Variants in EXOC4 observed in about 807,000 individuals in gnomAD.
EXOC4 encodes the protein exocyst complex component 4.
A neutral mutation model predicts 107.2 loss-of-function variants in EXOC4; 71 were observed. The ratio of observed to expected loss-of-function variants is 0.66; its 90% CI spans 0.55 to 0.81. The LOEUF is 0.81. EXOC4 is among the 30% of genes least tolerant of loss of function. The pLI, the probability that EXOC4 is intolerant of heterozygous loss-of-function variation, is 0.00. For missense variants in EXOC4, 1,108 were observed against 1,189.6 expected, an observed-to-expected ratio of 0.93 and a Z score of 1.01; for synonymous variants, 456 against 441.2, an observed-to-expected ratio of 1.03 and a Z score of -0.42.
intron 9 of EXOC4, among the ~76,000 whole-genome samples, chr7:133,484,870 A>C (rs1432644345): frequency 6.6e-6 from 1 of 151,966 alleles, no homozygotes; most frequent in Non-Finnish European, 1.5e-5. Flanking sequence ...ACTTGAGGTC[A>C]GGAGTTTGAG....
At chr7:133,836,119 G>A (rs1299315377) in intron 11 of EXOC4, among the ~76,000 whole-genome samples, 1 of 152,112 alleles carries the variant, frequency 6.6e-6, no homozygotes, top group Non-Finnish European at 1.5e-5. Flanking sequence ...TAGCAGACAG[G>A]CAATGTTTTA....
chr7:133,329,687 T>C (rs867925074), intron 5 of EXOC4, among the ~76,000 whole-genome samples: 3 of 152,226 alleles, frequency 2.0e-5, no homozygotes, highest in Admixed American at 6.5e-5. Flanking sequence ...GACCCTCTGC[T>C]GTAGGTCTGC....
chr7:133,661,234 G>A (rs1366043155), intron 10 of EXOC4, among the ~76,000 whole-genome samples: 2 of 152,098 alleles, frequency 1.3e-5, no homozygotes, highest in Non-Finnish European at 2.9e-5. Context: ...CACTGTATAT[G>A]TGCCGAGGCT....
At chr7:133,766,903 T>C (rs748876301) in intron 10 of EXOC4, among the ~76,000 whole-genome samples, 1 of 151,906 alleles carries the variant, frequency 6.6e-6, no homozygotes, top group Non-Finnish European at 1.5e-5. Context: ...AGTTGAGTCT[T>C]TCCCATTTCA....
chr7:133,534,296 A>T (rs1200243337), intron 9 of EXOC4, among the ~76,000 whole-genome samples: 1 of 152,120 alleles, frequency 6.6e-6, no homozygotes, highest in Non-Finnish European at 1.5e-5. Flanking sequence ...CAGTAAACAT[A>T]TGTTTTTGTT....
At chr7:133,289,256 G>T (rs1229641526) in intron 3 of EXOC4, 140 bp downstream of exon 3, 2 of 651,798 alleles carry the variant, frequency 3.1e-6, no homozygotes, top group Non-Finnish European at 5.1e-6. Context: ...GGTGAAGCCT[G>T]GGTATTTCTC....
chr7:134,097,148 G>C, the EXOC4 span, among the ~76,000 whole-genome samples: 1 of 152,098 alleles, frequency 6.6e-6, no homozygotes, highest in Non-Finnish European at 1.5e-5. Context: ...GCTCATGGAA[G>C]TTCAAAGAAG....
intron 5 of EXOC4, among the ~76,000 whole-genome samples, chr7:133,331,674 C>G (rs928895288): frequency 1.3e-4 from 20 of 151,918 alleles, no homozygotes; most frequent in Non-Finnish European, 2.2e-4. Flanking sequence ...ACCGTGTTAG[C>G]CAGGATGGTC....
chr7:133,507,420 G>C (rs189354234), intron 9 of EXOC4, among the ~76,000 whole-genome samples: 1 of 152,158 alleles, frequency 6.6e-6, no homozygotes, highest in Non-Finnish European at 1.5e-5. Context: ...TGGATAATTT[G>C]TGAGTGGGCA....
chr7:133,531,742 A>C (rs1308210846), intron 9 of EXOC4, among the ~76,000 whole-genome samples: 1 of 152,112 alleles, frequency 6.6e-6, no homozygotes, highest in Non-Finnish European at 1.5e-5. Context: ...TTTGCAGTAA[A>C]CCTTACTTTT....
chr7:134,006,343 T>G (rs1794642043), intron 16 of EXOC4, among the ~76,000 whole-genome samples: 1 of 147,374 alleles, frequency 6.8e-6, no homozygotes, highest in Non-Finnish European at 1.5e-5. Flanking sequence ...GTTACAGACT[T>G]GAGAGAATGA....
At chr7:133,619,250 C>T (rs1188034435) in intron 9 of EXOC4, among the ~76,000 whole-genome samples, 1 of 152,138 alleles carries the variant, frequency 6.6e-6, no homozygotes, top group Non-Finnish European at 1.5e-5. Flanking sequence ...ACAGAGCACT[C>T]GATCTCTCCG....
At chr7:133,476,892 A>G (rs1191768578) in intron 8 of EXOC4, among the ~76,000 whole-genome samples, 1 of 152,178 alleles carries the variant, frequency 6.6e-6, no homozygotes, top group Non-Finnish European at 1.5e-5. Context: ...ACACATTAGT[A>G]ATGTTTTCTA....
At chr7:133,532,420 AG>A (rs1563099029) in intron 9 of EXOC4, among the ~76,000 whole-genome samples, 1 of 152,164 alleles carries the variant, frequency 6.6e-6, no homozygotes, top group East Asian at 1.9e-4. Flanking sequence ...CACTGTAAAC[AG>A]GAGCAGAGTA....
chr7:134,047,359 G>C (rs1390520890), intron 17 of EXOC4, among the ~76,000 whole-genome samples: 1 of 151,942 alleles, frequency 6.6e-6, no homozygotes, highest in East Asian at 1.9e-4. Context: ...GAGCCACATT[G>C]TGGAGCAGCC....
chr7:133,296,120 G>A (rs1432641267), intron 3 of EXOC4, among the ~76,000 whole-genome samples: 1 of 152,156 alleles, frequency 6.6e-6, no homozygotes, highest in African/African-American at 2.4e-5. Flanking sequence ...TAATTTATCA[G>A]GAAAGAATCT....
chr7:134,093,895 T>C, the EXOC4 span, among the ~76,000 whole-genome samples: 1 of 152,022 alleles, frequency 6.6e-6, no homozygotes, highest in Non-Finnish European at 1.5e-5. Flanking sequence ...ATGTGACATA[T>C]CAAAATCTCT....
At chr7:133,511,924 C>T (rs35711112) in intron 9 of EXOC4, among the ~76,000 whole-genome samples, 1 of 152,206 alleles carries the variant, frequency 6.6e-6, no homozygotes, top group Non-Finnish European at 1.5e-5. Flanking sequence ...TCTCCCCGCC[C>T]TTCTCATTCC....
At chr7:133,295,809 C>A (rs543333408) in intron 3 of EXOC4, among the ~76,000 whole-genome samples, 2 of 152,128 alleles carry the variant, frequency 1.3e-5, no homozygotes, top group African/African-American at 4.8e-5. Flanking sequence ...TACATACATC[C>A]CTTTTATCTG....
Sources: gnomAD v4.1 joint callset for allele counts (sites outside exome capture counted in the v4.1 genomes callset) on GRCh38, gnomAD v4.1.1 for gene constraint, MANE v1.5 for transcripts, NCBI Gene and HGNC (gene_info 2026-07-23, HGNC 2026-07-21) for gene names.